Variants in WWOX observed in about 807,000 individuals in gnomAD.
WWOX encodes the protein WW domain containing oxidoreductase, also known as WW domain-containing oxidoreductase.
A neutral mutation model predicts 46.2 loss-of-function variants in WWOX; 69 were observed. That is an observed-to-expected ratio of 1.49 (90% CI 1.23 to 1.82). The LOEUF (loss-of-function observed/expected upper bound fraction) is 1.82, where lower values mean the gene tolerates loss of function less well. Among genes scored for constraint, WWOX ranks in the 40% most tolerant of loss-of-function variants. WWOX has a pLI of 0.00. For synonymous variants in WWOX, 359 were observed against 202.6 expected, an observed-to-expected ratio of 1.77 and a Z score of -6.56; for missense variants, 919 against 542.6, an observed-to-expected ratio of 1.69 and a Z score of -6.89.
At chr16:78,427,564 T>C (rs2083114194) in intron 7 of WWOX, among the ~76,000 whole-genome samples, 1 of 151,618 alleles carries the variant, frequency 6.6e-6, no homozygotes, top group Admixed American at 6.6e-5. Context: ...ACACGGAGTT[T>C]CTCAGCTTCT....
intron 5 of WWOX, among the ~76,000 whole-genome samples, chr16:78,233,226 C>G (rs1311666710): frequency 6.6e-6 from 1 of 152,176 alleles, no homozygotes; most frequent in South Asian, 2.1e-4. Context: ...ACTGACATTT[C>G]ACAGATATGC....
At chr16:78,944,694 A>G (rs532412786) in intron 8 of WWOX, among the ~76,000 whole-genome samples, 2 of 152,228 alleles carry the variant, frequency 1.3e-5, no homozygotes, top group East Asian at 1.9e-4. Flanking sequence ...GCAAGTCACA[A>G]TATCCTGCAA....
chr16:78,172,903 A>G lies in WWOX; in HGVS notation c.516+8614A>G, dbSNP rs72804992. On this transcript the variant is annotated intron_variant, in intron 5 of 8. Transcript: ENST00000566780. ...AAAGGCCTGCTTTTGGCCACTTGGC[A>G]TTTAGACTCCATTATTTAAGAGGGG... 6.8e-3 allele frequency among the ~76,000 whole-genome samples: 1,036 copies of G among 152,340 alleles called. 7 individuals carry two copies. Among genetic ancestry groups the G allele is most frequent in the Non-Finnish European group, 0.011 (762 of 68,028 alleles).
chr16:78,169,189 C>T (rs2035068197), intron 5 of WWOX, among the ~76,000 whole-genome samples: 1 of 152,166 alleles, frequency 6.6e-6, no homozygotes, highest in South Asian at 2.1e-4. Context: ...AAGACAAGCA[C>T]CTATCGTTTT....
chr16:78,281,900 A>T (rs2079685671), intron 5 of WWOX, among the ~76,000 whole-genome samples: 1 of 152,062 alleles, frequency 6.6e-6, no homozygotes, highest in Non-Finnish European at 1.5e-5. Flanking sequence ...CTTAGTTTTG[A>T]TGATCTTTTA....
chr16:78,238,624 T>C (rs2037521240), intron 5 of WWOX, among the ~76,000 whole-genome samples: 1 of 152,076 alleles, frequency 6.6e-6, no homozygotes, highest in East Asian at 1.9e-4. Flanking sequence ...AAATTACTTT[T>C]TTTGTTGTTG....
In WWOX at chr16:78,388,609, T is replaced by C. The variant is rs536542853; in HGVS notation, c.605+1661T>C. 1.4e-4 allele frequency among the ~76,000 whole-genome samples: 17 copies of C among 123,712 alleles called. No individual in the cohort carries two copies. In the South Asian group the frequency reaches 4.6e-3, roughly 33 times the overall value. 81.2% of individuals were successfully genotyped at this position (123,712 alleles called of 152,430 possible). A position where few individuals can be genotyped will look rare whatever the true frequency, so the allele number is the denominator to read the frequency against. On this transcript the variant is annotated intron_variant, in intron 6 of 8. Coordinates refer to ENST00000566780, the MANE Select transcript of WWOX (RefSeq NM_016373.4). ...TTGCAGTGAGCCAAGATGGCACCAC[T>C]GCACTCCAGCCTGGCGACAGATTGA...
chr16:78,998,398 T>G (rs1356300983), intron 8 of WWOX, among the ~76,000 whole-genome samples: 1 of 152,158 alleles, frequency 6.6e-6, no homozygotes, highest in Non-Finnish European at 1.5e-5. Flanking sequence ...GCCTACTGCC[T>G]TCACAGAAGA....
intron 8 of WWOX, among the ~76,000 whole-genome samples, chr16:78,465,720 G>T (rs967277864): frequency 1.3e-5 from 2 of 152,128 alleles, no homozygotes; most frequent in Non-Finnish European, 2.9e-5. Context: ...TAATTGCCCA[G>T]GTAAATAATA....
intron 8 of WWOX, among the ~76,000 whole-genome samples, chr16:78,454,303 C>A (rs2083759816): frequency 6.6e-6 from 1 of 152,018 alleles, no homozygotes; most frequent in African/African-American, 2.4e-5. Context: ...CTTTTTTGGA[C>A]CACTATCTAA....
At chr16:78,547,944 G>T (rs1243859490) in intron 8 of WWOX, among the ~76,000 whole-genome samples, 2 of 152,054 alleles carry the variant, frequency 1.3e-5, no homozygotes, top group Non-Finnish European at 2.9e-5. Context: ...TTGAGGTCAG[G>T]AGTTCGAGAC....
chr16:78,486,109 A>G (rs578043736), intron 8 of WWOX, among the ~76,000 whole-genome samples: 24 of 152,286 alleles, frequency 1.6e-4, no homozygotes, highest in African/African-American at 5.5e-4. Flanking sequence ...GTGTGGTGGT[A>G]TGCCGGTAAG....
chr16:78,522,093 C>A lies in WWOX; in HGVS notation c.1056+89341C>A, dbSNP rs560313493. Among the ~76,000 whole-genome samples, 63 of 147,694 alleles carry A rather than the reference C, an allele frequency of 4.3e-4. 2 individuals are homozygous for A. The South Asian group carries it at 0.013, about 31-fold the overall frequency. Reference sequence around the variant, plus strand: ...TCTGTCTACATCCACAGCCTGTGCTCTTTTCATATACAAGGGAATATGGAG... The same window carrying A: ...TCTGTCTACATCCACAGCCTGTGCTATTTTCATATACAAGGGAATATGGAG... On this transcript the variant is annotated intron_variant, in intron 8 of 8. Transcript: ENST00000566780.
intron 8 of WWOX, among the ~76,000 whole-genome samples, chr16:79,169,724 G>T (rs1045911261): frequency 2.0e-5 from 3 of 152,222 alleles, no homozygotes; most frequent in Non-Finnish European, 4.4e-5. Context: ...GGGTGGGCAG[G>T]ATGGCTGGGA....
At chr16:78,576,784 T>C (rs1346988362) in intron 8 of WWOX, among the ~76,000 whole-genome samples, 1 of 152,214 alleles carries the variant, frequency 6.6e-6, no homozygotes, top group African/African-American at 2.4e-5. Flanking sequence ...TGAGCTATGA[T>C]TGTGCCACTG....
At chr16:78,328,951 C>G (rs1389582410) in intron 5 of WWOX, among the ~76,000 whole-genome samples, 1 of 151,888 alleles carries the variant, frequency 6.6e-6, no homozygotes, top group Non-Finnish European at 1.5e-5. Context: ...AGCCTCTGCC[C>G]CCTGGGTTGA....
intron 8 of WWOX, among the ~76,000 whole-genome samples, chr16:79,096,434 G>A (rs550220928): frequency 5.3e-5 from 8 of 152,030 alleles, no homozygotes; most frequent in Middle Eastern, 3.4e-3. Context: ...CCAGCTGTGC[G>A]GGCCTCCCTG....
At chr16:78,554,790 C>G (rs1597257977) in intron 8 of WWOX, among the ~76,000 whole-genome samples, 1 of 152,294 alleles carries the variant, frequency 6.6e-6, no homozygotes, top group East Asian at 1.9e-4. Flanking sequence ...CTGCACCTAT[C>G]TGTCAGAAGC....
At chr16:78,808,824 G>A (rs558059313) in intron 8 of WWOX, among the ~76,000 whole-genome samples, 1 of 152,218 alleles carries the variant, frequency 6.6e-6, no homozygotes. Context: ...GCTATTTTAT[G>A]TCCACCCATC....
Sources: gnomAD v4.1 joint callset for allele counts (sites outside exome capture counted in the v4.1 genomes callset) on GRCh38, gnomAD v4.1.1 for gene constraint, MANE v1.5 for transcripts, NCBI Gene and HGNC (gene_info 2026-07-23, HGNC 2026-07-21) for gene names.